Variants in SF3B1 observed in about 807,000 individuals in gnomAD.
SF3B1 encodes the protein pre-mRNA processing 10.
A neutral mutation model predicts 153.8 loss-of-function variants in SF3B1; 12 were observed. That is an observed-to-expected ratio of 0.08 (90% confidence interval 0.05 to 0.13). The LOEUF (loss-of-function observed/expected upper bound fraction) is 0.13. Among genes scored for constraint, SF3B1 ranks in the 10% least tolerant of loss-of-function variants. The probability of loss-of-function intolerance (pLI) is 1.00; values close to 1 mark genes in which losing one functional copy is unlikely to be tolerated. For synonymous variants in SF3B1, 498 were observed against 525.2 expected (o/e 0.95, Z 0.71); for missense variants, 513 against 1,606.1 (o/e 0.32, Z 11.63).
At chr2:197,405,569 T>C (rs1215729298) in intron 9 of SF3B1, 97 bp from the exon 10 acceptor site, 3 of 833,046 alleles carry the variant, frequency 3.6e-6, no homozygotes, top group South Asian at 1.7e-5. Flanking sequence ...TATTAGCTAA[T>C]AAGGTTTTTA....
At chr2:197,408,795 C>T (rs948840165) in intron 7 of SF3B1, 14 of 525,632 alleles carry the variant, frequency 2.7e-5, no homozygotes, top group East Asian at 6.7e-5. Flanking sequence ...TGGTGGTGGG[C>T]GCTTGTAATC....
intron 1 of SF3B1, among the ~76,000 whole-genome samples, chr2:197,434,431 AAAC>A (rs1215404082): frequency 1.3e-5 from 2 of 152,238 alleles, no homozygotes; most frequent in Non-Finnish European, 2.9e-5. Context: ...AAGGGAGGGA[AAAC>A]AACTACCAGA....
chr2:197,429,259 A>G (rs2085387280), intron 1 of SF3B1, among the ~76,000 whole-genome samples: 1 of 152,194 alleles, frequency 6.6e-6, no homozygotes, highest in Non-Finnish European at 1.5e-5. Context: ...TGGCCACACA[A>G]AACTGCCAAA....
At chr2:197,422,149 C>T (rs2085253945) in intron 2 of SF3B1, among the ~76,000 whole-genome samples, 1 of 152,004 alleles carries the variant, frequency 6.6e-6, no homozygotes, top group Non-Finnish European at 1.5e-5. Context: ...ATAGCTATCA[C>T]TTTCTTTTAC....
At position 197,392,949 on chromosome 2, in the gene SF3B1, TAAA is replaced by T. The variant is rs746565531; in HGVS notation, c.3756+20_3756+22del. The T allele has an allele frequency of 3.0e-6, 4 of 1,317,970 alleles. No homozygotes were observed. Among genetic ancestry groups the T allele is most frequent in the Middle Eastern group, 2.0e-4 (1 of 5,100 alleles). 81.6% of individuals were successfully genotyped at this position (1,317,970 alleles called of 1,614,324 possible). ...TATTTAAAAAAAAAAAATCACCGAT[TAAA>T]AAAAAAATCTTTAACTTACCTGTAA... is the stretch of plus-strand genomic sequence containing the variant. On this transcript the variant is annotated intron_variant, in intron 24 of 24. Transcript: ENST00000335508.
rs948992729 is a variant in SF3B1 at position 197,401,160 on chromosome 2, A to G, written c.2497-224T>C. On this transcript the variant is annotated intron_variant, in intron 17 of 24. Transcript: ENST00000335508. This position sits in a 1 kb window ranked among gnomAD's most constrained non-coding sequence, Gnocchi z 4.2. ...GTAAAACTGTGTCCATGTTTCATCT[A>G]GCCAGATAAAGCACTGAATGTACCA... Among the ~76,000 whole-genome samples the G allele has an allele frequency of 4.6e-5, 7 of 152,236 alleles. No individual in the cohort carries two copies. The highest frequency in any genetic ancestry group is 1.4e-4 in the African/African-American group (6 of 41,460).
Position 197,390,067 on chromosome 2 carries a change from A to G in SF3B1, c.*2236T>C, listed in dbSNP as rs1409068369. On this transcript the variant is annotated 3_prime_UTR_variant, in exon 25 of 25. Coordinates refer to ENST00000335508, the MANE Select transcript of SF3B1 (RefSeq NM_012433.4). Reference sequence around the variant, plus strand: ...CACATAGCGTCTTCCACATATCACAAAATGCTTTCCTTATTTAATAATAAG... The same window carrying G: ...CACATAGCGTCTTCCACATATCACAGAATGCTTTCCTTATTTAATAATAAG... 2 of 152,230 alleles carry G rather than the reference A, an allele frequency of 1.3e-5. No homozygotes were observed. Among genetic ancestry groups the G allele is most frequent in the Admixed American group, 1.3e-4 (2 of 15,282 alleles). The allele number at this position is 152,230 out of a possible 1,614,324, so 9.4% of individuals were successfully genotyped here. A position where few individuals can be genotyped will look rare whatever the true frequency, so the allele number is the denominator to read the frequency against.
rs2105981486 is a variant in SF3B1, at chr2:197,400,183, A to G, written c.2902-17T>C. 8 of 1,478,052 alleles carry G rather than the reference A, an allele frequency of 5.4e-6. No homozygotes were observed. Among genetic ancestry groups the G allele is most frequent in the Non-Finnish European group, 7.4e-6 (8 of 1,080,178 alleles). 91.6% of individuals were successfully genotyped at this position (1,478,052 alleles called of 1,614,324 possible). A position where few individuals can be genotyped will look rare whatever the true frequency, so the allele number is the denominator to read the frequency against. Reference sequence around the variant, plus strand: ...CAATTTTTCCTATAATAAAACAAATAATGTTAAAATGTTACTATTTACATT... The same window carrying G: ...CAATTTTTCCTATAATAAAACAAATGATGTTAAAATGTTACTATTTACATT... On this transcript the variant is annotated splice_polypyrimidine_tract_variant and intron_variant, in intron 19 of 24. Coordinates refer to ENST00000335508, the MANE Select transcript of SF3B1 (RefSeq NM_012433.4). The surrounding 1 kb of genome is among the most constrained non-coding windows in gnomAD (Gnocchi z 5.0).
chr2:197,430,447 G>A (rs7589336), intron 1 of SF3B1, among the ~76,000 whole-genome samples: 23,837 of 151,930 alleles, frequency 0.16, 2,114 homozygotes, highest in Middle Eastern at 0.28. Context: ...TACTACTCAC[G>A]GTAGTTTTTT....
intron 11 of SF3B1, chr2:197,404,761 C>A: frequency 5.5e-6 from 1 of 182,558 alleles, no homozygotes. Context: ...TCTAAATAAC[C>A]TTTACCAATT....
In SF3B1 at chr2:197,400,446, ATT is replaced by A; in HGVS notation, c.2719-14_2719-13del. The A allele has an allele frequency of 6.4e-7, 1 of 1,553,246 alleles. No homozygotes were observed. Among genetic ancestry groups the A allele is most frequent in the South Asian group, 1.2e-5 (1 of 83,020 alleles). On this transcript the variant is annotated splice_polypyrimidine_tract_variant and intron_variant, in intron 18 of 24. Transcript: ENST00000335508. The surrounding 1 kb of genome is among the most constrained non-coding windows in gnomAD (Gnocchi z 5.0). ...AACATTACTGAGTCCTAAAAAATAA[ATT>A]TAAAAAAAAGACATATTCATTTGGT...
intron 3 of SF3B1, 77 bp from the exon 4 acceptor site, chr2:197,420,619 C>G: frequency 1.2e-6 from 1 of 849,774 alleles, no homozygotes; most frequent in Non-Finnish European, 1.9e-6. Flanking sequence ...AAAATCAGAA[C>G]ACCATAAAGC....
At chr2:197,412,715 T>C (rs1423960776) in intron 6 of SF3B1, among the ~76,000 whole-genome samples, 2 of 149,774 alleles carry the variant, frequency 1.3e-5, no homozygotes, top group South Asian at 4.5e-4. Context: ...CCAGGCGCAG[T>C]GGCTCACACG....
At chr2:197,397,918 ATTTTC>A in intron 22 of SF3B1, 62 bp downstream of exon 22, 1 of 1,228,434 alleles carries the variant, frequency 8.1e-7, no homozygotes, top group South Asian at 1.4e-5. Context: ...ACATGGAAGT[ATTTTC>A]CAATACCACA....
At chr2:197,413,500 C>G (rs2085102033) in intron 6 of SF3B1, among the ~76,000 whole-genome samples, 1 of 152,110 alleles carries the variant, frequency 6.6e-6, no homozygotes, top group Non-Finnish European at 1.5e-5. Flanking sequence ...ATGAGAAGTC[C>G]TCACCTTAAA....
At position 197,398,322 on chromosome 2, in the gene SF3B1, G is replaced by A. The variant is rs2084899353; in HGVS notation, c.3134+139C>T. 3 of 1,021,296 alleles carry A rather than the reference G, an allele frequency of 2.9e-6. No homozygotes were observed. In the East Asian group the frequency reaches 7.2e-5, roughly 25 times the overall value. The allele number at this position is 1,021,296 out of a possible 1,614,324, so 63.3% of individuals were successfully genotyped here. Reference sequence around the variant, plus strand: ...CCCATTACCATCCAAATTGAAATTTGACTGAAAATATTAATACTGGATAGC... The same window carrying A: ...CCCATTACCATCCAAATTGAAATTTAACTGAAAATATTAATACTGGATAGC... On this transcript the variant is annotated intron_variant, in intron 21 of 24. Transcript: ENST00000335508.
At position 197,408,618 on chromosome 2, in the gene SF3B1, A is replaced by T. The variant is rs1343111981; in HGVS notation, c.905-37T>A. The T allele has an allele frequency of 1.0e-5, 13 of 1,281,104 alleles. No homozygotes were observed. The South Asian group carries it at 1.3e-4, about 13-fold the overall frequency. The allele number at this position is 1,281,104 out of a possible 1,614,324, so 79.4% of individuals were successfully genotyped here. ...AAGAGTGAGTAAAACCACAATTTTA[A>T]TCACTGTTAAAATAATATTCTTTAT... On this transcript the variant is annotated intron_variant, in intron 7 of 24. Coordinates refer to ENST00000335508, the MANE Select transcript of SF3B1 (RefSeq NM_012433.4).
At chr2:197,412,710 C>A (rs1342718280) in intron 6 of SF3B1, among the ~76,000 whole-genome samples, 1 of 151,106 alleles carries the variant, frequency 6.6e-6, no homozygotes, top group Admixed American at 6.6e-5. Context: ...TCATGCCAGG[C>A]GCAGTGGCTC....
chr2:197,434,889 T>C lies in SF3B1; in HGVS notation c.28+83A>G, dbSNP rs115319183. 158 of 1,461,852 alleles carry C rather than the reference T, an allele frequency of 1.1e-4. 1 individual carries two copies. The African/African-American group carries it at 1.8e-3, about 17-fold the overall frequency. The allele number at this position is 1,461,852 out of a possible 1,614,324, so 90.6% of individuals were successfully genotyped here. A position where few individuals can be genotyped will look rare whatever the true frequency, so the allele number is the denominator to read the frequency against. On this transcript the variant is annotated intron_variant, in intron 1 of 24. Transcript: ENST00000335508. Reference sequence around the variant, plus strand: ...GGCTCAGCTCCTACGAAAGAAACCATAGAAAAAGGCAGAATCCTAGGAAAA... The same window carrying C: ...GGCTCAGCTCCTACGAAAGAAACCACAGAAAAAGGCAGAATCCTAGGAAAA...
Sources: allele counts gnomAD v4.1 joint callset (sites outside exome capture counted in the v4.1 genomes callset), GRCh38; gene constraint gnomAD v4.1.1; non-coding constraint Gnocchi (gnomAD v3.1); transcripts MANE v1.5; gene names NCBI Gene and HGNC (gene_info 2026-07-23, HGNC 2026-07-21).